The following COL11A1 variants were observed in gnomAD, a reference collection of about 807,000 sequenced individuals.
COL11A1 encodes collagen type XI alpha 1 chain.
A neutral mutation model predicts 265.2 loss-of-function variants in COL11A1; 74 were observed. The ratio of observed to expected loss-of-function variants is 0.28; its 90% CI spans 0.23 to 0.34. The LOEUF is 0.34. Ranked by LOEUF, COL11A1 falls within the 10% of genes least tolerant of loss-of-function variation. The pLI is 1.00. For missense variants in COL11A1, 2,165 were observed against 2,263.6 expected, an observed-to-expected ratio of 0.96 and a Z score of 0.88; for synonymous variants, 816 against 727.6, an observed-to-expected ratio of 1.12 and a Z score of -1.96.
intron 37 of COL11A1, among the ~76,000 whole-genome samples, chr1:102,968,252 G>A (rs1393181704): frequency 6.6e-6 from 1 of 152,138 alleles, no homozygotes; most frequent in Non-Finnish European, 1.5e-5. Flanking sequence ...CATATTCATG[G>A]GTAGTTTGAA....
At chr1:102,989,993 C>T (rs1663969293) in intron 28 of COL11A1, among the ~76,000 whole-genome samples, 1 of 152,068 alleles carries the variant, frequency 6.6e-6, no homozygotes, top group African/African-American at 2.4e-5. Flanking sequence ...TGAGGCCAAC[C>T]TGGGCCACAT....
At chr1:103,064,616 G>A (rs1438891643) in intron 4 of COL11A1, among the ~76,000 whole-genome samples, 2 of 151,212 alleles carry the variant, frequency 1.3e-5, no homozygotes, top group Admixed American at 6.6e-5. Flanking sequence ...GTGTGAACCC[G>A]GGAGGCGGAG....
At chr1:102,889,666 A>G in intron 58 of COL11A1, 104 bp from the exon 59 acceptor site, 1 of 827,990 alleles carries the variant, frequency 1.2e-6, no homozygotes, top group Non-Finnish European at 2.0e-6. Context: ...ATAAAAATGA[A>G]CAATGCTGAT....
At chr1:102,880,941 T>C (rs746171877) in intron 65 of COL11A1, among the ~76,000 whole-genome samples, 17 of 152,022 alleles carry the variant, frequency 1.1e-4, no homozygotes, top group Non-Finnish European at 2.2e-4. Flanking sequence ...AATATGCAAC[T>C]TGAAGACTGT....
At chr1:102,961,406 A>G (rs368924323) in intron 41 of COL11A1, among the ~76,000 whole-genome samples, 5 of 152,186 alleles carry the variant, frequency 3.3e-5, no homozygotes, top group African/African-American at 1.2e-4. Flanking sequence ...TCATTGACAA[A>G]TTCAAGTCTC....
intron 1 of COL11A1, among the ~76,000 whole-genome samples, chr1:103,087,827 A>G (rs1280495353): frequency 2.6e-5 from 4 of 152,214 alleles, no homozygotes; most frequent in African/African-American, 7.2e-5. Context: ...TGTCTTTGCC[A>G]ATTTTTGCAA....
At chr1:102,934,917 A>G (rs1570783328) in intron 45 of COL11A1, 143 bp downstream of exon 45, 1 of 772,656 alleles carries the variant, frequency 1.3e-6, no homozygotes, top group East Asian at 2.7e-5. Context: ...GGCTAGCTAT[A>G]TTTGATAATT....
At chr1:103,097,295 G>A (rs1048985666) in intron 1 of COL11A1, among the ~76,000 whole-genome samples, 4 of 151,786 alleles carry the variant, frequency 2.6e-5, no homozygotes, top group South Asian at 4.1e-4. Flanking sequence ...ACCATCTCAC[G>A]TTTTATCCCC....
intron 35 of COL11A1, 73 bp downstream of exon 35, chr1:102,978,635 C>A: frequency 1.3e-6 from 2 of 1,514,634 alleles, no homozygotes; most frequent in East Asian, 2.3e-5. Flanking sequence ...AGACATATAT[C>A]TTTTCTCTGA....
chr1:102,932,909 C>G (rs1054422108), intron 46 of COL11A1, among the ~76,000 whole-genome samples: 2 of 151,292 alleles, frequency 1.3e-5, no homozygotes, highest in Non-Finnish European at 3.0e-5. Context: ...CTGCATTCTT[C>G]ACGTAGTTCT....
chr1:102,880,370 C>G (rs188466417), intron 65 of COL11A1, among the ~76,000 whole-genome samples: 1 of 152,106 alleles, frequency 6.6e-6, no homozygotes, highest in East Asian at 1.9e-4. Context: ...AATGTATCAA[C>G]TTTACCCAAA....
chr1:103,100,997 G>T (rs2102415854), intron 1 of COL11A1, among the ~76,000 whole-genome samples: 1 of 152,090 alleles, frequency 6.6e-6, no homozygotes, highest in African/African-American at 2.4e-5. Flanking sequence ...GGCTCACCTG[G>T]AGATATAAGG....
intron 57 of COL11A1, 91 bp downstream of exon 57, chr1:102,898,034 T>G (rs1652668155): frequency 1.3e-6 from 1 of 750,956 alleles, no homozygotes; most frequent in Non-Finnish European, 2.1e-6. Flanking sequence ...TACAAACCTA[T>G]TTATAAACTA....
rs369184573 is a variant in COL11A1 at position 102,939,015 on chromosome 1, G to C, written c.3438+20C>G. ...TTGTTAAATAAATAATGTTCTCTCAGTAAGAAGTAGGAAACTCACATTTTC... is the reference window on the plus strand; with the variant it reads ...TTGTTAAATAAATAATGTTCTCTCACTAAGAAGTAGGAAACTCACATTTTC... On this transcript the variant is annotated intron_variant, in intron 44 of 66. Coordinates refer to ENST00000370096, the MANE Select transcript of COL11A1 (RefSeq NM_001854.4). The C allele has an allele frequency of 1.1e-5, 17 of 1,608,860 alleles. No homozygotes were observed. The highest frequency in any genetic ancestry group is 1.4e-5 in the Non-Finnish European group (17 of 1,175,666).
At chr1:103,010,188 A>C (rs1022832809) in intron 14 of COL11A1, among the ~76,000 whole-genome samples, 3 of 152,156 alleles carry the variant, frequency 2.0e-5, no homozygotes, top group African/African-American at 4.8e-5. Context: ...GGTTAAAATA[A>C]TTTTCATAGG....
At chr1:103,050,747 CT>C (rs1669746211) in intron 4 of COL11A1, among the ~76,000 whole-genome samples, 1 of 152,130 alleles carries the variant, frequency 6.6e-6, no homozygotes, top group African/African-American at 2.4e-5. Context: ...TACCTTTGGT[CT>C]TTGATGATGG....
chr1:102,958,454 G>C (rs1660581518), intron 41 of COL11A1, among the ~76,000 whole-genome samples: 1 of 151,630 alleles, frequency 6.6e-6, no homozygotes, highest in Non-Finnish European at 1.5e-5. Context: ...TGTTTTATCT[G>C]TCATTTGGAA....
At chr1:102,912,444 T>C (rs934443512) in intron 53 of COL11A1, among the ~76,000 whole-genome samples, 2 of 152,164 alleles carry the variant, frequency 1.3e-5, no homozygotes, top group Admixed American at 1.3e-4. Flanking sequence ...TGAATCAAAT[T>C]CTCTTTATTT....
At chr1:102,938,229 C>A (rs1658351045) in intron 44 of COL11A1, among the ~76,000 whole-genome samples, 1 of 151,420 alleles carries the variant, frequency 6.6e-6, no homozygotes, top group African/African-American at 2.4e-5. Context: ...TGATGGATCA[C>A]AAAATAGAAC....
Sources: gnomAD v4.1 joint callset for allele counts (sites outside exome capture counted in the v4.1 genomes callset) on GRCh38, gnomAD v4.1.1 for gene constraint, MANE v1.5 for transcripts, NCBI Gene and HGNC (gene_info 2026-07-23, HGNC 2026-07-21) for gene names.